The following TMEM232 variants were observed in gnomAD, a reference collection of about 807,000 sequenced individuals.
TMEM232 encodes transmembrane protein 232.
In TMEM232, 80 loss-of-function variants were observed where a neutral mutation model predicts 78.8. That is an observed-to-expected ratio of 1.01 (90% CI 0.85 to 1.22). The LOEUF (loss-of-function observed/expected upper bound fraction) is 1.22. Among genes scored for constraint, TMEM232 ranks in the 50% most tolerant of loss-of-function variants. The pLI, the probability that TMEM232 is intolerant of heterozygous loss-of-function variation, is 0.00. For synonymous variants in TMEM232, 297 were observed against 254.3 expected (o/e 1.17, Z -1.60); for missense variants, 881 against 742.2 (o/e 1.19, Z -2.17).
chr5:110,520,114 G>T (rs992815368), intron 12 of TMEM232, among the ~76,000 whole-genome samples: 4 of 151,248 alleles, frequency 2.6e-5, no homozygotes, highest in Non-Finnish European at 5.9e-5. Flanking sequence ...GCACAATAGG[G>T]TAACTACAGT....
chr5:110,529,003 C>T (rs6895065), intron 11 of TMEM232, among the ~76,000 whole-genome samples, 168 bp from the exon 12 acceptor site: 24,442 of 151,982 alleles, frequency 0.16, 5,129 homozygotes, highest in African/African-American at 0.49. Flanking sequence ...TTCCAAAAGA[C>T]TTCAAAAAGC....
At chr5:110,621,054 G>A (rs1051219386) in intron 7 of TMEM232, among the ~76,000 whole-genome samples, 2 of 151,172 alleles carry the variant, frequency 1.3e-5, no homozygotes, top group Admixed American at 6.6e-5. Context: ...GTACAGACAG[G>A]GTTTCACCAT....
At chr5:110,473,419 A>G in intron 12 of TMEM232, among the ~76,000 whole-genome samples, 1 of 151,776 alleles carries the variant, frequency 6.6e-6, no homozygotes, top group East Asian at 1.9e-4. Flanking sequence ...GTTATCTAAA[A>G]AACAAAAGAT....
chr5:110,404,738 CT>C (rs1156836664), intron 2 of TMEM232, among the ~76,000 whole-genome samples: 7 of 151,954 alleles, frequency 4.6e-5, no homozygotes, highest in Admixed American at 2.6e-4. Context: ...ATAATAAAGC[CT>C]TGATGAACTG....
intron 1 of TMEM232, among the ~76,000 whole-genome samples, chr5:110,691,990 G>A (rs964115518): frequency 1.3e-5 from 2 of 151,850 alleles, no homozygotes; most frequent in Non-Finnish European, 2.9e-5. Flanking sequence ...GCGTGATCTC[G>A]GCTCACTGCA....
At chr5:110,625,101 T>G (rs922283667) in intron 7 of TMEM232, among the ~76,000 whole-genome samples, 166 bp downstream of exon 7, 2 of 152,006 alleles carry the variant, frequency 1.3e-5, no homozygotes, top group African/African-American at 4.8e-5. Context: ...CCAGGAACTG[T>G]GCATATGGTT....
chr5:110,593,803 A>G (rs1016172080), intron 10 of TMEM232, among the ~76,000 whole-genome samples: 2 of 152,122 alleles, frequency 1.3e-5, no homozygotes, highest in Admixed American at 1.3e-4. Context: ...GTACTTTTAC[A>G]AATAACTAAA....
intron 10 of TMEM232, among the ~76,000 whole-genome samples, chr5:110,575,769 G>C (rs1201009973): frequency 6.6e-6 from 1 of 152,028 alleles, no homozygotes; most frequent in Non-Finnish European, 1.5e-5. Flanking sequence ...GGGAAACCAT[G>C]CTTCTCCCAC....
At chr5:110,684,224 A>G (rs888808466) in intron 1 of TMEM232, among the ~76,000 whole-genome samples, 1 of 152,020 alleles carries the variant, frequency 6.6e-6, no homozygotes, top group African/African-American at 2.4e-5. Flanking sequence ...ATAACCTTAA[A>G]AAGAAAAAGA....
At chr5:110,630,662 C>T (rs1044330780) in intron 5 of TMEM232, among the ~76,000 whole-genome samples, 1 of 152,164 alleles carries the variant, frequency 6.6e-6, no homozygotes, top group Non-Finnish European at 1.5e-5. Flanking sequence ...AGTCATGCTT[C>T]CTGTTAAGCC....
At chr5:110,504,813 T>C (rs10079271) in intron 12 of TMEM232, among the ~76,000 whole-genome samples, 1 of 152,206 alleles carries the variant, frequency 6.6e-6, no homozygotes, top group African/African-American at 2.4e-5. Context: ...CAAATGTTGA[T>C]CTCATCTAAC....
chr5:110,422,412 C>T (rs892299451), intron 13 of TMEM232, among the ~76,000 whole-genome samples: 2 of 145,246 alleles, frequency 1.4e-5, no homozygotes, highest in African/African-American at 5.1e-5. Flanking sequence ...CCCAGCTACT[C>T]GGGAGGCTGA....
intron 11 of TMEM232, among the ~76,000 whole-genome samples, chr5:110,530,512 G>A (rs1262645805): frequency 6.6e-6 from 1 of 152,034 alleles, no homozygotes; most frequent in Non-Finnish European, 1.5e-5. Flanking sequence ...AATAAAATGT[G>A]GTATATATAC....
chr5:110,529,163 C>A (rs116037285), intron 11 of TMEM232, among the ~76,000 whole-genome samples: 2,971 of 151,990 alleles, frequency 0.02, 91 homozygotes, highest in African/African-American at 0.069. Flanking sequence ...AGAAATTAAG[C>A]AATCAGTTGA....
intron 12 of TMEM232, among the ~76,000 whole-genome samples, chr5:110,483,804 G>A (rs1157915131): frequency 2.6e-5 from 4 of 151,902 alleles, no homozygotes; most frequent in Non-Finnish European, 5.9e-5. Flanking sequence ...TTTCATTACT[G>A]GGTATATACC....
intron 9 of TMEM232, 80 bp from the exon 10 acceptor site, chr5:110,605,438 G>T: frequency 1.4e-6 from 2 of 1,413,790 alleles, no homozygotes; most frequent in Non-Finnish European, 1.9e-6. Flanking sequence ...TATAATAATT[G>T]TTAAAAGACC....
chr5:110,674,258 A>C (rs1022741043), intron 1 of TMEM232, among the ~76,000 whole-genome samples: 3 of 152,182 alleles, frequency 2.0e-5, no homozygotes, highest in African/African-American at 7.2e-5. Context: ...ATAATCAAGA[A>C]TCAGGAATGT....
At chr5:110,402,907 T>C (rs532612676) in intron 2 of TMEM232, among the ~76,000 whole-genome samples, 4 of 151,992 alleles carry the variant, frequency 2.6e-5, no homozygotes, top group Non-Finnish European at 5.9e-5. Context: ...AAGGAGAAGG[T>C]TGCCAAAGAG....
chr5:110,731,742 C>T, intron 2 of TMEM232, among the ~76,000 whole-genome samples: 1 of 152,196 alleles, frequency 6.6e-6, no homozygotes, highest in East Asian at 1.9e-4. Flanking sequence ...TCCTCCTGGG[C>T]CTCTAGGCCT....
Sources: gnomAD v4.1 joint callset for allele counts (sites outside exome capture counted in the v4.1 genomes callset) on GRCh38, gnomAD v4.1.1 for gene constraint, MANE v1.5 for transcripts, NCBI Gene and HGNC (gene_info 2026-07-23, HGNC 2026-07-21) for gene names.